The following KATNBL1 variants were observed in gnomAD, a reference collection of about 807,000 sequenced individuals.
KATNBL1 encodes katanin regulatory subunit B1 like 1.
In KATNBL1, 28 loss-of-function variants were observed where a neutral mutation model predicts 44.7. The ratio of observed to expected loss-of-function variants is 0.63; its 90% CI spans 0.46 to 0.86. The LOEUF (loss-of-function observed/expected upper bound fraction) is 0.86, where lower values mean the gene tolerates loss of function less well. Among genes scored for constraint, KATNBL1 ranks in the 40% least tolerant of loss-of-function variants. KATNBL1 has a pLI of 0.00. For missense variants in KATNBL1, 272 were observed against 350.7 expected, an observed-to-expected ratio of 0.78 and a Z score of 1.79; for synonymous variants, 78 against 114.9, an observed-to-expected ratio of 0.68 and a Z score of 2.06.
chr15:34,168,490 G>C (rs933825189), intron 1 of KATNBL1, among the ~76,000 whole-genome samples: 1 of 151,872 alleles, frequency 6.6e-6, no homozygotes, highest in African/African-American at 2.4e-5. Flanking sequence ...AATAACAATG[G>C]GAAACTTCAA....
chr15:34,204,064 C>T (rs1457296107), intron 1 of KATNBL1, among the ~76,000 whole-genome samples: 1 of 151,452 alleles, frequency 6.6e-6, no homozygotes, highest in East Asian at 1.9e-4. Flanking sequence ...TGATTCACTC[C>T]CATTACCTTA....
Position 34,163,690 on chromosome 15 carries a change from C to T in KATNBL1, c.-14G>A. On this transcript the variant is annotated splice_region_variant and 5_prime_UTR_variant, in exon 2 of 10. Coordinates refer to ENST00000256544, the MANE Select transcript of KATNBL1 (RefSeq NM_024713.3). ...TTCTGATGCCATAATCTCTTAAGTACCTAGACAATAAAATAAAATAGAAAA... is the reference window on the plus strand; with the variant it reads ...TTCTGATGCCATAATCTCTTAAGTATCTAGACAATAAAATAAAATAGAAAA... The T allele has an allele frequency of 2.7e-6, 4 of 1,465,328 alleles. No individual in the cohort carries two copies. Among genetic ancestry groups the T allele is most frequent in the Non-Finnish European group, 3.7e-6 (4 of 1,081,504 alleles). 90.8% of individuals were successfully genotyped at this position (1,465,328 alleles called of 1,614,324 possible).
At chr15:34,184,953 A>T (rs1597454521) in intron 1 of KATNBL1, among the ~76,000 whole-genome samples, 1 of 151,886 alleles carries the variant, frequency 6.6e-6, no homozygotes, top group African/African-American at 2.4e-5. Context: ...GCCTCTCTTG[A>T]TGACTTGAGT....
At chr15:34,167,826 T>C (rs1300883035) in intron 1 of KATNBL1, among the ~76,000 whole-genome samples, 1 of 152,168 alleles carries the variant, frequency 6.6e-6, no homozygotes, top group Non-Finnish European at 1.5e-5. Context: ...GAATTTCATA[T>C]CCAGCCAAAC....
At chr15:34,181,558 GTCCATATATATA>G (rs1393697053) in intron 1 of KATNBL1, among the ~76,000 whole-genome samples, 3 of 144,110 alleles carry the variant, frequency 2.1e-5, no homozygotes, top group East Asian at 4.0e-4. Flanking sequence ...ACATATATAT[GTCCATATATATA>G]TCCATATATA....
chr15:34,146,839 A>G lies in KATNBL1; in HGVS notation c.710T>C (p.Val237Ala). 6.3e-7 allele frequency: 1 copy of G among 1,591,904 alleles called. No homozygotes were observed. Among genetic ancestry groups the G allele is most frequent in the Non-Finnish European group, 8.6e-7 (1 of 1,160,286 alleles). Residue 237 changes from valine to alanine, a missense_variant, in exon 8 of 10, where the codon GTT (valine) becomes GCT (alanine). By Grantham distance (64) the Val-to-Ala change is moderately conservative (BLOSUM62 0). Transcript: ENST00000256544. ...LKSKFEEYVI[V>A]GLNWLQAVIK... ...GACTGCTTGAAGCCAGTTTAAACCAACTATAACATATCTGAAATGACATTT... is the reference window on the plus strand; with the variant it reads ...GACTGCTTGAAGCCAGTTTAAACCAGCTATAACATATCTGAAATGACATTT...
chr15:34,148,860 T>A, intron 4 of KATNBL1, 110 bp from the exon 5 acceptor site: 1 of 624,954 alleles, frequency 1.6e-6, no homozygotes, highest in Non-Finnish European at 2.9e-6. Context: ...CAAAAGTAAC[T>A]CCTTTTACTA....
intron 1 of KATNBL1, among the ~76,000 whole-genome samples, chr15:34,193,213 T>C (rs1296828815): frequency 4.4e-5 from 1 of 22,556 alleles, no homozygotes; most frequent in African/African-American, 1.7e-4. Flanking sequence ...CGAGACTCCG[T>C]CTCAAAAAAA....
chr15:34,185,951 T>G (rs547491322), intron 1 of KATNBL1, among the ~76,000 whole-genome samples: 7 of 152,244 alleles, frequency 4.6e-5, no homozygotes, highest in African/African-American at 1.4e-4. Flanking sequence ...GTCCTGCTGG[T>G]TGGTTTCCTG....
intron 9 of KATNBL1, 38 bp from the exon 10 acceptor site, chr15:34,142,409 C>A (rs768593545): frequency 1.9e-6 from 3 of 1,548,910 alleles, no homozygotes; most frequent in Non-Finnish European, 2.6e-6. Flanking sequence ...TTAGACAGTA[C>A]AGTAAATACA....
intron 5 of KATNBL1, 106 bp downstream of exon 5, chr15:34,148,526 T>C (rs1419555487): frequency 1.1e-5 from 7 of 648,476 alleles, no homozygotes; most frequent in Admixed American, 2.3e-5. Flanking sequence ...AGGTTGAGGC[T>C]GCAGTGAGCC....
At chr15:34,181,676 A>G (rs990157356) in intron 1 of KATNBL1, among the ~76,000 whole-genome samples, 37 of 85,732 alleles carry the variant, frequency 4.3e-4, no homozygotes, top group Non-Finnish European at 5.6e-4. Flanking sequence ...CCATATATAT[A>G]CACATATATA....
intron 1 of KATNBL1, among the ~76,000 whole-genome samples, chr15:34,204,595 G>A (rs1350806001): frequency 6.6e-6 from 1 of 152,106 alleles, no homozygotes; most frequent in Non-Finnish European, 1.5e-5. Flanking sequence ...GAGTTTTAAG[G>A]AATTCTTGTC....
intron 1 of KATNBL1, among the ~76,000 whole-genome samples, chr15:34,192,403 CAAAA>C (rs199991134): frequency 0.28 from 30,559 of 107,348 alleles, 3,877 homozygotes; most frequent in African/African-American, 0.42. Context: ...GACTCCATCT[CAAAA>C]AAAAAAAAAA....
chr15:34,203,039 A>C (rs569400455), intron 1 of KATNBL1, among the ~76,000 whole-genome samples: 10 of 152,144 alleles, frequency 6.6e-5, no homozygotes, highest in Non-Finnish European at 1.5e-4. Context: ...TGTTTCACCT[A>C]AACTCTGGAT....
chr15:34,147,564 T>G, intron 5 of KATNBL1, 134 bp from the exon 6 acceptor site: 1 of 710,200 alleles, frequency 1.4e-6, no homozygotes, highest in Non-Finnish European at 2.4e-6. Context: ...GTCATGTCTG[T>G]GGATACAGCA....
At chr15:34,188,696 A>G (rs1248904970) in intron 1 of KATNBL1, among the ~76,000 whole-genome samples, 1 of 152,194 alleles carries the variant, frequency 6.6e-6, no homozygotes, top group Non-Finnish European at 1.5e-5. Flanking sequence ...TCTGCTTCAT[A>G]TTGGGTTAGT....
At chr15:34,194,455 G>C (rs1889978173) in intron 1 of KATNBL1, among the ~76,000 whole-genome samples, 1 of 151,022 alleles carries the variant, frequency 6.6e-6, no homozygotes, top group African/African-American at 2.4e-5. Context: ...TAAAAAATAA[G>C]AAAAAAAAAC....
chr15:34,184,034 T>G (rs967966104), intron 1 of KATNBL1, among the ~76,000 whole-genome samples: 2 of 151,960 alleles, frequency 1.3e-5, no homozygotes, highest in Non-Finnish European at 2.9e-5. Flanking sequence ...CCGGGCGCAG[T>G]GGCTCACGCC....
Sources: allele counts gnomAD v4.1 joint callset (sites outside exome capture counted in the v4.1 genomes callset), GRCh38; gene constraint gnomAD v4.1.1; transcripts MANE v1.5; gene names NCBI Gene and HGNC (gene_info 2026-07-23, HGNC 2026-07-21).